The following NAT2 variants were observed in gnomAD, a reference collection of about 807,000 sequenced individuals.
The protein encoded by NAT2 is N-acetyltransferase 2, also known as arylamine N-acetyltransferase 2.
For missense variants in NAT2, 428 were observed against 339.1 expected (o/e 1.26, Z -2.06); for synonymous variants, 137 against 125.9 (o/e 1.09, Z -0.59).
chr8:18,395,601 A>T (rs1800670874), intron 1 of NAT2, among the ~76,000 whole-genome samples: 1 of 152,170 alleles, frequency 6.6e-6, no homozygotes, highest in Admixed American at 6.5e-5. Flanking sequence ...AAAAAAGATA[A>T]TGAGGTCAAC....
chr8:18,393,990 C>T (rs1800637904), intron 1 of NAT2, among the ~76,000 whole-genome samples: 1 of 152,192 alleles, frequency 6.6e-6, no homozygotes, highest in Non-Finnish European at 1.5e-5. Context: ...TCTGTGTGAG[C>T]AACATGGCTG....
chr8:18,394,422 C>A lies in NAT2; in HGVS notation c.-7+3077C>A, dbSNP rs146789770. Reference sequence around the variant, plus strand: ...TTGGTCTGATTTTTTGCATAAAGGGCAGCAAGAATAATTATTTACTATATA... The same window carrying A: ...TTGGTCTGATTTTTTGCATAAAGGGAAGCAAGAATAATTATTTACTATATA... On this transcript the variant is annotated intron_variant, in intron 1 of 1. Coordinates refer to ENST00000286479, the MANE Select transcript of NAT2 (RefSeq NM_000015.3). Among the ~76,000 whole-genome samples, 19 of 152,226 alleles carry A rather than the reference C, an allele frequency of 1.2e-4. No individual in the cohort carries two copies. In the East Asian group the frequency reaches 3.5e-3, roughly 28 times the overall value.
chr8:18,389,790 A>T (rs566086689), upstream of NAT2, among the ~76,000 whole-genome samples: 11 of 152,312 alleles, frequency 7.2e-5, no homozygotes, highest in Admixed American at 4.6e-4. Context: ...CAGGAGTAGG[A>T]GGCAATCAAA....
chr8:18,399,857 C>T (rs1800756554), intron 1 of NAT2, 141 bp from the exon 2 acceptor site: 2 of 965,384 alleles, frequency 2.1e-6, no homozygotes, highest in Non-Finnish European at 1.5e-6. Flanking sequence ...AGTAGAAATA[C>T]TAACAAAAGA....
In NAT2 at chr8:18,401,045, T is replaced by C; in HGVS notation, c.*169T>C. ...CATTTATTAAAAAACAATAACTTTT[T>C]AAAGAAACATAAGGACACATTTTCA... On this transcript the variant is annotated 3_prime_UTR_variant, in exon 2 of 2. Coordinates refer to ENST00000286479, the MANE Select transcript of NAT2 (RefSeq NM_000015.3). 1 of 484,516 alleles carries C rather than the reference T, an allele frequency of 2.1e-6. No homozygotes were observed. Among genetic ancestry groups the C allele is most frequent in the East Asian group, 3.4e-5 (1 of 29,182 alleles). The allele number at this position is 484,516 out of a possible 1,614,324, so 30.0% of individuals were successfully genotyped here. A position where few individuals can be genotyped will look rare whatever the true frequency, so the allele number is the denominator to read the frequency against.
chr8:18,388,095 C>T (rs1182397847), upstream of NAT2, among the ~76,000 whole-genome samples: 3 of 152,218 alleles, frequency 2.0e-5, no homozygotes, highest in Admixed American at 1.3e-4. Context: ...CCAGTATTCA[C>T]AGTGAGAACT....
rs539346244 is a variant in NAT2 at position 18,400,799 on chromosome 8, G to A, written c.796G>A (p.Val266Met). The A allele has an allele frequency of 3.3e-5, 53 of 1,612,396 alleles. No individual in the cohort carries two copies. Among genetic ancestry groups the A allele is most frequent in the South Asian group, 2.4e-4 (22 of 90,722 alleles). ...KTLTEEEVEE[V>M]LRNIFKISLG... ...TCTCACTGAGGAAGAGGTTGAAGAA[G>A]TGCTGAGAAATATATTTAAGATTTC... The change falls in exon 2 of 2, where the codon GTG becomes ATG. Residue 266 changes from valine to methionine, a missense_variant. Transcript: ENST00000286479.
upstream of NAT2, among the ~76,000 whole-genome samples, chr8:18,388,974 G>T (rs950782853): frequency 2.6e-5 from 4 of 152,152 alleles, no homozygotes; most frequent in East Asian, 3.8e-4. Flanking sequence ...CAAGCTCTCT[G>T]ACATCTCACA....
At position 18,400,413 on chromosome 8, in the gene NAT2, T is replaced by C. The variant is rs1392723145; in HGVS notation, c.410T>C (p.Leu137Ser). ...SSSQMWQPLE[L>S]ISGKDQPQVP... ...TCCCAGATGTGGCAGCCTCTAGAATTAATTTCTGGGAAGGATCAGCCTCAG... is the reference window on the plus strand; with the variant it reads ...TCCCAGATGTGGCAGCCTCTAGAATCAATTTCTGGGAAGGATCAGCCTCAG... The change falls in exon 2 of 2, where the codon TTA becomes TCA. Residue 137 changes from leucine (L) to serine (S), a missense_variant. Leu to Ser is a moderately radical substitution (Grantham distance 145). Coordinates refer to ENST00000286479, the MANE Select transcript of NAT2 (RefSeq NM_000015.3). 1 of 1,612,040 alleles carries C rather than the reference T, an allele frequency of 6.2e-7. No individual in the cohort carries two copies. Among genetic ancestry groups the C allele is most frequent in the South Asian group, 1.1e-5 (1 of 90,652 alleles).
chr8:18,399,854 A>G, intron 1 of NAT2, 144 bp from the exon 2 acceptor site: 1 of 940,866 alleles, frequency 1.1e-6, no homozygotes, highest in Non-Finnish European at 1.5e-6. Context: ...TGCAGTAGAA[A>G]TACTAACAAA....
At chr8:18,399,372 C>T (rs1488007146) in intron 1 of NAT2, among the ~76,000 whole-genome samples, 1 of 152,138 alleles carries the variant, frequency 6.6e-6, no homozygotes, top group African/African-American at 2.4e-5. Context: ...ATGTTTTATC[C>T]ATTTATTCAG....
chr8:18,389,915 T>G (rs537686396), upstream of NAT2, among the ~76,000 whole-genome samples: 5 of 152,284 alleles, frequency 3.3e-5, no homozygotes, highest in South Asian at 2.1e-4. Context: ...AGGAGATGAT[T>G]TAAGGAATCA....
rs376918049 is a variant in NAT2, at chr8:18,400,658, A to T, written c.655A>T (p.Thr219Ser). The change falls in exon 2 of 2, where the codon ACC becomes TCC. Residue 219 changes from threonine (T) to serine (S), a missense_variant. Thr to Ser is a moderately conservative substitution (Grantham distance 58, BLOSUM62 1). Transcript: ENST00000286479. The stretch of plus-strand genomic sequence containing the variant: ...GACGTCTCCAACATCTTCATTTATA[A>T]CCACATCATTTTGTTCCTTGCAGAC... The part of the protein sequence containing the change: ...LQTSPTSSFI[T>S]TSFCSLQTPE... The T allele has an allele frequency of 6.2e-7, 1 of 1,613,898 alleles. No individual in the cohort carries two copies. Among genetic ancestry groups the T allele is most frequent in the Non-Finnish European group, 8.5e-7 (1 of 1,179,980 alleles).
chr8:18,400,826 T>C lies in NAT2; in HGVS notation c.823T>C (p.Leu275=). ...GCTGAGAAATATATTTAAGATTTCC[T>C]TGGGGAGAAATCTCGTGCCCAAACC... ...EVLRNIFKIS[L]GRNLVPKPGD... The change falls in exon 2 of 2, where the codon TTG becomes CTG. Residue 275 remains leucine (L), a synonymous_variant. Coordinates refer to ENST00000286479, the MANE Select transcript of NAT2 (RefSeq NM_000015.3). 6.2e-7 allele frequency: 1 copy of C among 1,608,696 alleles called. No individual in the cohort carries two copies. The highest frequency in any genetic ancestry group is 8.5e-7 in the Non-Finnish European group (1 of 1,178,534).
At chr8:18,392,537 G>C (rs913740821) in intron 1 of NAT2, among the ~76,000 whole-genome samples, 5 of 152,174 alleles carry the variant, frequency 3.3e-5, no homozygotes, top group African/African-American at 1.2e-4. Flanking sequence ...GGCTGTGCTG[G>C]CAGCTGATTA....
In NAT2 at chr8:18,400,155, G is replaced by T. The variant is rs72466457; in HGVS notation, c.152G>T (p.Gly51Val). The T allele has an allele frequency of 3.7e-6, 6 of 1,613,926 alleles. No individual in the cohort carries two copies. The African/African-American group carries it at 6.7e-5, about 18-fold the overall frequency. Reference sequence around the variant, plus strand: ...CATTGTGGGCAAGCCATGGAGTTGGGCTTAGAGGCTATTTTTGATCACATT... The same window carrying T: ...CATTGTGGGCAAGCCATGGAGTTGGTCTTAGAGGCTATTTTTGATCACATT... ...NMHCGQAMEL[G>V]LEAIFDHIVR... Residue 51 changes from glycine to valine, a missense_variant, in exon 2 of 2, where the codon GGC becomes GTC. Physicochemically the swap from Gly to Val is moderately radical, Grantham distance 109 (BLOSUM62 -3). Transcript: ENST00000286479.
chr8:18,400,532 A>G lies in NAT2; in HGVS notation c.529A>G (p.Asn177Asp). 1.9e-6 allele frequency: 3 copies of G among 1,612,900 alleles called. No homozygotes were observed. The highest frequency in any genetic ancestry group is 1.7e-6 in the Non-Finnish European group (2 of 1,179,694). The change falls in exon 2 of 2, where the codon AAT (asparagine) becomes GAT (aspartate). Residue 177 changes from asparagine to aspartate, a missense_variant. Coordinates refer to ENST00000286479, the MANE Select transcript of NAT2 (RefSeq NM_000015.3). ...EQYITNKEFL[N>D]SHLLPKKKHQ... is the part of the protein sequence containing the mutation. The stretch of plus-strand genomic sequence containing the variant: ...GTATATTACAAACAAAGAATTTCTT[A>G]ATTCTCATCTCCTGCCAAAGAAGAA...
At chr8:18,390,506 T>A (rs1013471838), upstream of NAT2, among the ~76,000 whole-genome samples, 2 of 152,176 alleles carry the variant, frequency 1.3e-5, no homozygotes, top group Admixed American at 6.5e-5. Flanking sequence ...CTTTACACAA[T>A]GTCTGCATGT....
intron 1 of NAT2, among the ~76,000 whole-genome samples, chr8:18,398,358 T>G (rs1203243393): frequency 6.6e-6 from 1 of 152,178 alleles, no homozygotes; most frequent in Non-Finnish European, 1.5e-5. Context: ...TTATGGCTAA[T>G]TCATACACAG....
Sources: allele counts gnomAD v4.1 joint callset (sites outside exome capture counted in the v4.1 genomes callset), GRCh38; gene constraint gnomAD v4.1.1; transcripts MANE v1.5; gene names NCBI Gene and HGNC (gene_info 2026-07-23, HGNC 2026-07-21).